Variants in PRKDC observed in about 807,000 individuals in gnomAD.
PRKDC encodes the protein protein kinase, DNA-activated, catalytic subunit.
PRKDC carries 82 observed loss-of-function variants against 486.9 expected under a neutral mutation model. The observed-to-expected ratio is 0.17, with a 90% CI of 0.14 to 0.20. The LOEUF (loss-of-function observed/expected upper bound fraction) is 0.20. Among genes scored for constraint, PRKDC ranks in the 10% least tolerant of loss-of-function variants. The pLI is 1.00. For missense variants in PRKDC, 4,504 were observed against 5,038.2 expected (o/e 0.89, Z 3.21); for synonymous variants, 1,895 against 1,837.0 (o/e 1.03, Z -0.81).
At chr8:47,956,111 C>T (rs1219470376) in intron 3 of PRKDC, among the ~76,000 whole-genome samples, 163 bp from the exon 4 acceptor site, 1 of 152,100 alleles carries the variant, frequency 6.6e-6, no homozygotes, top group Non-Finnish European at 1.5e-5. Flanking sequence ...GCCTATAATC[C>T]CAACACTTTG....
Position 47,830,618 on chromosome 8 carries a change from T to C in PRKDC, c.8384A>G (p.Gln2795Arg). The C allele has an allele frequency of 1.2e-6, 2 of 1,613,728 alleles. No homozygotes were observed. The highest frequency in any genetic ancestry group is 1.7e-6 in the Non-Finnish European group (2 of 1,179,738). ...GCAAAAACTGACCTGGGCCACGGCCTGTAACGGGGTGATGAGGCTGCTGTG... is the reference window on the plus strand; with the variant it reads ...GCAAAAACTGACCTGGGCCACGGCCCGTAACGGGGTGATGAGGCTGCTGTG... ...IKHSSLITPL[Q>R]AVAQRDPIIA... The change falls in exon 61 of 86, where the codon CAG (glutamine) becomes CGG (arginine). Residue 2795 changes from glutamine to arginine, a missense_variant. This residue lies in a region of PRKDC where 1,592 missense variants were observed against 1,724.6 expected (regional missense o/e 0.92). Transcript: ENST00000314191.
At chr8:47,816,554 G>C (rs2087450742) in intron 68 of PRKDC, among the ~76,000 whole-genome samples, 1 of 152,182 alleles carries the variant, frequency 6.6e-6, no homozygotes, top group Non-Finnish European at 1.5e-5. Flanking sequence ...TCACTGAACA[G>C]TAGTTACATA....
At chr8:47,953,095 C>A (rs1228397830) in intron 7 of PRKDC, among the ~76,000 whole-genome samples, 1 of 151,806 alleles carries the variant, frequency 6.6e-6, no homozygotes, top group Non-Finnish European at 1.5e-5. Flanking sequence ...GACCTGAGAT[C>A]GAGCCACTGC....
intron 68 of PRKDC, among the ~76,000 whole-genome samples, chr8:47,811,343 A>C (rs1468922304): frequency 6.6e-6 from 1 of 152,202 alleles, no homozygotes. Flanking sequence ...AGAAATAAAG[A>C]TATCTTCAGA....
At chr8:47,920,877 T>C (rs1589793684) in intron 21 of PRKDC, among the ~76,000 whole-genome samples, 1 of 152,188 alleles carries the variant, frequency 6.6e-6, no homozygotes, top group African/African-American at 2.4e-5. Context: ...ATTAATTACA[T>C]TCACAATGTT....
At position 47,849,488 on chromosome 8, in the gene PRKDC, G is replaced by C. The variant is rs2088354143; in HGVS notation, c.7021C>G (p.Leu2341Val). 6.2e-7 allele frequency: 1 copy of C among 1,613,814 alleles called. No homozygotes were observed. The highest frequency in any genetic ancestry group is 1.3e-5 in the African/African-American group (1 of 74,942). ...MERKNILEESLCELVAKQLKQ... is the reference protein window; with the variant it reads ...MERKNILEESVCELVAKQLKQ... ...AATTGTTTCGCAACCAGTTCACACAGAGACTCCTCCAGTATCTGAAAAATT... is the reference window on the plus strand; with the variant it reads ...AATTGTTTCGCAACCAGTTCACACACAGACTCCTCCAGTATCTGAAAAATT... The change falls in exon 53 of 86, where the codon CTG (leucine) becomes GTG (valine). Residue 2341 changes from leucine (L) to valine (V), a missense_variant. Transcript: ENST00000314191.
At chr8:47,818,372 G>T (rs936837360) in intron 67 of PRKDC, among the ~76,000 whole-genome samples, 2 of 152,012 alleles carry the variant, frequency 1.3e-5, no homozygotes, top group Non-Finnish European at 2.9e-5. Flanking sequence ...GAGGTCAGGA[G>T]ATCGAGACCA....
intron 59 of PRKDC, among the ~76,000 whole-genome samples, chr8:47,833,605 C>T (rs1167765190): frequency 1.3e-5 from 2 of 152,056 alleles, no homozygotes; most frequent in Admixed American, 1.3e-4. Flanking sequence ...CTGCTCGGTG[C>T]GTTACAAGGC....
chr8:47,825,232 G>C (rs1371633973), intron 63 of PRKDC, among the ~76,000 whole-genome samples: 1 of 152,030 alleles, frequency 6.6e-6, no homozygotes, highest in Non-Finnish European at 1.5e-5. Flanking sequence ...CAATGGCCAT[G>C]ACATATCAAA....
At chr8:47,921,180 A>G (rs1376161781) in intron 21 of PRKDC, among the ~76,000 whole-genome samples, 1 of 152,020 alleles carries the variant, frequency 6.6e-6, no homozygotes, top group Admixed American at 6.6e-5. Context: ...GCGTGAACCC[A>G]GGAGGTGGAG....
chr8:47,787,770 T>C (rs895581506), intron 76 of PRKDC, among the ~76,000 whole-genome samples: 30 of 152,066 alleles, frequency 2.0e-4, no homozygotes, highest in Admixed American at 5.2e-4. Flanking sequence ...GAGGTAGCAG[T>C]GTGCTGGGGG....
Position 47,939,609 on chromosome 8 carries a change from A to G in PRKDC, c.1055T>C (p.Val352Ala). Residue 352 changes from valine to alanine, a missense_variant, in exon 11 of 86, where the codon GTG becomes GCG. By Grantham distance (64) the Val-to-Ala change is moderately conservative (BLOSUM62 0). This residue lies in a region of PRKDC where 1,969 missense variants were observed against 2,068.9 expected (regional missense o/e 0.95). Transcript: ENST00000314191. ...AGATAACTCCTTGTTGTTCGAATCC[A>G]CATTTCTGATGATTCCATAAAACTG... ...MEQFYGIIRNVDSNNKELSIA... is the reference protein window; with the variant it reads ...MEQFYGIIRNADSNNKELSIA... The G allele has an allele frequency of 6.2e-7, 1 of 1,613,616 alleles. No individual in the cohort carries two copies. Among genetic ancestry groups the G allele is most frequent in the Non-Finnish European group, 8.5e-7 (1 of 1,179,548 alleles).
intron 54 of PRKDC, among the ~76,000 whole-genome samples, chr8:47,846,489 C>T (rs1255641495): frequency 6.6e-6 from 1 of 151,124 alleles, no homozygotes; most frequent in Admixed American, 6.6e-5. Flanking sequence ...AACCAGGCAT[C>T]AAAGGAATAT....
intron 68 of PRKDC, 55 bp from the exon 69 acceptor site, chr8:47,807,381 A>C: frequency 7.2e-7 from 1 of 1,386,884 alleles, no homozygotes; most frequent in South Asian, 1.6e-5. Flanking sequence ...AAGCTGCTGG[A>C]TAGCAATTAC....
chr8:47,918,039 G>T (rs1026052618), intron 22 of PRKDC, among the ~76,000 whole-genome samples: 9 of 152,000 alleles, frequency 5.9e-5, no homozygotes, highest in African/African-American at 1.7e-4. Flanking sequence ...TAGAGACAGG[G>T]TCTTCCTATG....
intron 58 of PRKDC, among the ~76,000 whole-genome samples, chr8:47,835,484 G>A (rs1305910710): frequency 2.0e-5 from 3 of 151,724 alleles, no homozygotes; most frequent in Admixed American, 6.6e-5. Flanking sequence ...AGGCGAGGTG[G>A]TGCGCGCCTG....
At chr8:47,916,251 G>A (rs1168167560) in intron 22 of PRKDC, among the ~76,000 whole-genome samples, 2 of 151,966 alleles carry the variant, frequency 1.3e-5, no homozygotes, top group Non-Finnish European at 2.9e-5. Context: ...TTCGAGACCA[G>A]CCTTTCACCA....
At chr8:47,791,748 T>C (rs1456885079) in intron 74 of PRKDC, among the ~76,000 whole-genome samples, 2 of 152,164 alleles carry the variant, frequency 1.3e-5, no homozygotes, top group Non-Finnish European at 2.9e-5. Context: ...TGTATACTAT[T>C]GGTGGGAATG....
intron 67 of PRKDC, among the ~76,000 whole-genome samples, chr8:47,818,870 G>T (rs770263940): frequency 6.6e-6 from 1 of 152,124 alleles, no homozygotes; most frequent in Non-Finnish European, 1.5e-5. Context: ...CTTCCCCTTA[G>T]ACTCTTGGGT....
Sources: gnomAD v4.1 joint callset for allele counts (sites outside exome capture counted in the v4.1 genomes callset) on GRCh38, gnomAD v4.1.1 for gene constraint, gnomAD v4.1.1 regional missense constraint, MANE v1.5 for transcripts, NCBI Gene and HGNC (gene_info 2026-07-23, HGNC 2026-07-21) for gene names.